Variants in USP46 observed in about 807,000 individuals in gnomAD.
USP46 encodes ubiquitin specific peptidase 46.
Under a neutral mutation model 44.4 loss-of-function variants are expected in USP46, and 12 were observed. The ratio of observed to expected loss-of-function variants is 0.27; its 90% confidence interval spans 0.17 to 0.44. The LOEUF is 0.44. Among genes scored for constraint, USP46 ranks in the 20% least tolerant of loss-of-function variants. USP46 has a pLI of 1.00. For missense variants in USP46, 248 were observed against 444.8 expected, an observed-to-expected ratio of 0.56 and a Z score of 3.98; for synonymous variants, 155 against 161.5, an observed-to-expected ratio of 0.96 and a Z score of 0.31.
At chr4:52,645,276 T>C (rs920362786) in intron 1 of USP46, among the ~76,000 whole-genome samples, 8 of 151,096 alleles carry the variant, frequency 5.3e-5, no homozygotes, top group South Asian at 2.1e-4. Context: ...TTAATAATTG[T>C]ACACAGAAGC....
intron 1 of USP46, among the ~76,000 whole-genome samples, chr4:52,640,927 T>A (rs1718316781): frequency 6.6e-6 from 1 of 151,722 alleles, no homozygotes; most frequent in South Asian, 2.1e-4. Flanking sequence ...TTTGGCCATT[T>A]TTTTTTTTTT....
chr4:52,635,945 T>C (rs1208319176), intron 1 of USP46, among the ~76,000 whole-genome samples: 1 of 152,198 alleles, frequency 6.6e-6, no homozygotes, highest in Non-Finnish European at 1.5e-5. Flanking sequence ...AGGGGTTCAC[T>C]GTGCTTTCTG....
chr4:52,634,496 C>A (rs190598308), intron 1 of USP46, among the ~76,000 whole-genome samples: 2 of 134,390 alleles, frequency 1.5e-5, no homozygotes, highest in Admixed American at 8.2e-5. Flanking sequence ...GCGACAAGAG[C>A]GAGACTTTGT....
intron 3 of USP46, among the ~76,000 whole-genome samples, chr4:52,627,142 A>T (rs1717626536): frequency 6.6e-6 from 1 of 152,268 alleles, no homozygotes; most frequent in Non-Finnish European, 1.5e-5. Context: ...AACCTTCATT[A>T]TTAATCACGT....
intron 1 of USP46, among the ~76,000 whole-genome samples, chr4:52,650,153 C>A (rs1718700177): frequency 6.6e-6 from 1 of 152,210 alleles, no homozygotes; most frequent in Non-Finnish European, 1.5e-5. Flanking sequence ...GAAGCAAGAA[C>A]ATTCGCTGCA....
chr4:52,631,012 G>C, intron 2 of USP46, 52 bp downstream of exon 2: 2 of 1,463,148 alleles, frequency 1.4e-6, no homozygotes, highest in Middle Eastern at 4.0e-4. Flanking sequence ...AAGTGGAGTT[G>C]CTTCATATAC....
chr4:52,610,715 A>G, intron 4 of USP46, 98 bp from the exon 5 acceptor site: 1 of 1,136,762 alleles, frequency 8.8e-7, no homozygotes, highest in East Asian at 2.5e-5. Context: ...TAAAAACCAT[A>G]ACTGCAGTTA....
Position 52,628,082 on chromosome 4 carries a change from T to C in USP46, c.199A>G (p.Lys67Glu). 1 of 1,613,962 alleles carries C rather than the reference T, an allele frequency of 6.2e-7. No individual in the cohort carries two copies. Among genetic ancestry groups the C allele is most frequent in the Non-Finnish European group, 8.5e-7 (1 of 1,179,884 alleles). The change falls in exon 3 of 9, where the codon AAG becomes GAG. Residue 67 changes from lysine to glutamate, a missense_variant. This residue lies in a region of USP46 where 54 missense variants were observed against 135.0 expected (regional missense o/e 0.40). Coordinates refer to ENST00000441222, the MANE Select transcript of USP46 (RefSeq NM_022832.4). ...TTTTCCTTCTTCTTTTGCTGGGCCT[T>C]GTATGCCAACACATTCTCCCGGAAT... ...RPFRENVLAY[K>E]AQQKKKENLL...
At chr4:52,646,269 G>A (rs551527332) in intron 1 of USP46, among the ~76,000 whole-genome samples, 30 of 152,216 alleles carry the variant, frequency 2.0e-4, no homozygotes, top group African/African-American at 7.0e-4. Context: ...GCACTTGTGC[G>A]GCAACCCGGC....
chr4:52,638,794 G>A (rs1054671104), intron 1 of USP46, among the ~76,000 whole-genome samples: 4 of 152,100 alleles, frequency 2.6e-5, no homozygotes, highest in Admixed American at 1.3e-4. Flanking sequence ...ATGCATGCAT[G>A]GACAGGGATG....
intron 1 of USP46, among the ~76,000 whole-genome samples, chr4:52,636,845 T>C (rs1718137121): frequency 6.6e-6 from 1 of 151,834 alleles, no homozygotes; most frequent in South Asian, 2.1e-4. Flanking sequence ...GGTCTCACTC[T>C]ATTGCCCAGA....
intron 4 of USP46, among the ~76,000 whole-genome samples, chr4:52,617,355 C>G (rs891070789): frequency 6.6e-6 from 1 of 152,170 alleles, no homozygotes; most frequent in African/African-American, 2.4e-5. Context: ...TCTACTTAAG[C>G]TCTTATACAA....
chr4:52,657,253 T>C (rs1478421643), intron 1 of USP46, among the ~76,000 whole-genome samples: 3 of 152,104 alleles, frequency 2.0e-5, no homozygotes, highest in African/African-American at 4.8e-5. Flanking sequence ...CAGGGCAGTA[T>C]TGGCCTGCTC....
At position 52,617,771 on chromosome 4, in the gene USP46, C is replaced by T. The variant is rs139917519; in HGVS notation, c.562-7154G>A. Among the ~76,000 whole-genome samples the T allele has an allele frequency of 6.2e-3, 938 of 152,068 alleles. 10 individuals carry two copies. Among genetic ancestry groups the T allele is most frequent in the Non-Finnish European group, 7.1e-3 (482 of 68,002 alleles). The stretch of plus-strand genomic sequence containing the variant: ...GCTTCTCTCTCTTCTAAGAAAGCTG[C>T]CAGAAAAGAAAACCATTTTCTTCCC... On this transcript the variant is annotated intron_variant, in intron 4 of 8. Coordinates refer to ENST00000441222, the MANE Select transcript of USP46 (RefSeq NM_022832.4).
chr4:52,654,696 C>T (rs1038202313), intron 1 of USP46, among the ~76,000 whole-genome samples: 1 of 152,094 alleles, frequency 6.6e-6, no homozygotes, highest in Non-Finnish European at 1.5e-5. Flanking sequence ...GCCCAGCCTA[C>T]CTCATTTATT....
At chr4:52,604,087 A>G (rs1716585521) in intron 6 of USP46, among the ~76,000 whole-genome samples, 2 of 152,192 alleles carry the variant, frequency 1.3e-5, no homozygotes, top group Non-Finnish European at 1.5e-5. Flanking sequence ...AAGAGGTCCT[A>G]ATGTTTAAGC....
chr4:52,657,040 CAAAAAAAAAAAA>C (rs959028429), intron 1 of USP46, among the ~76,000 whole-genome samples: 4 of 29,258 alleles, frequency 1.4e-4, no homozygotes, highest in South Asian at 1.1e-3. Context: ...GAGACCTTGT[CAAAAAAAAAAAA>C]AAAAAAAAAA....
chr4:52,646,155 C>T (rs1341306573), intron 1 of USP46, among the ~76,000 whole-genome samples: 4 of 152,174 alleles, frequency 2.6e-5, no homozygotes, highest in Non-Finnish European at 4.4e-5. Context: ...ATTTCATCCT[C>T]CCATCTTCTC....
At chr4:52,619,750 G>A (rs1219307431) in intron 4 of USP46, among the ~76,000 whole-genome samples, 2 of 152,130 alleles carry the variant, frequency 1.3e-5, no homozygotes, top group East Asian at 1.9e-4. Context: ...GCCTCTGGAC[G>A]GGGTCCATCA....
Sources: allele counts gnomAD v4.1 joint callset (sites outside exome capture counted in the v4.1 genomes callset), GRCh38; gene constraint gnomAD v4.1.1; regional missense constraint gnomAD v4.1.1; transcripts MANE v1.5; gene names NCBI Gene and HGNC (gene_info 2026-07-23, HGNC 2026-07-21).